The following DNAH11 variants were observed in gnomAD, a reference collection of about 807,000 sequenced individuals.
DNAH11 encodes the protein axonemal beta dynein heavy chain 11.
A neutral mutation model predicts 526.0 loss-of-function variants in DNAH11; 442 were observed. That is an observed-to-expected ratio of 0.84 (90% CI 0.78 to 0.91). DNAH11 has a LOEUF of 0.91. Ranked by LOEUF, DNAH11 falls within the 40% of genes least tolerant of loss-of-function variation. The pLI, the probability that DNAH11 is intolerant of heterozygous loss-of-function variation, is 0.00. For missense variants in DNAH11, 6,989 were observed against 5,448.7 expected (o/e 1.28, Z -8.90); for synonymous variants, 2,461 against 1,935.9 (o/e 1.27, Z -7.12).
Position 21,701,816 on chromosome 7 carries a change from C to T in DNAH11, c.6181-894C>T, listed in dbSNP as rs147177116. ...ATAAAGTAGGTGGGTGCTTTTATCT[C>T]CCTTTTTATAGATGATGATTCTGAG... On this transcript the variant is annotated intron_variant, in intron 36 of 81. Transcript: ENST00000409508. Among the ~76,000 whole-genome samples the T allele has an allele frequency of 4.5e-3, 689 of 152,244 alleles. 6 individuals are homozygous for T. The highest frequency in any genetic ancestry group is 6.1e-3 in the Non-Finnish European group (418 of 68,026).
intron 54 of DNAH11, among the ~76,000 whole-genome samples, chr7:21,752,080 G>T (rs1015383506): frequency 2.6e-5 from 4 of 152,226 alleles, no homozygotes; most frequent in Admixed American, 1.3e-4. Context: ...AACTTTGGGT[G>T]GCCCCAGAAA....
intron 64 of DNAH11, among the ~76,000 whole-genome samples, chr7:21,817,038 A>G (rs1789825041): frequency 6.6e-6 from 1 of 152,128 alleles, no homozygotes; most frequent in Admixed American, 6.6e-5. Flanking sequence ...AAGAATTGTC[A>G]AGGGTGCCTC....
intron 35 of DNAH11, among the ~76,000 whole-genome samples, chr7:21,696,571 C>T (rs1047559593): frequency 6.6e-6 from 1 of 152,088 alleles, no homozygotes; most frequent in African/African-American, 2.4e-5. Flanking sequence ...CTATTTGTGA[C>T]CCAATTTATC....
chr7:21,843,229 A>G (rs1490762025), intron 66 of DNAH11, among the ~76,000 whole-genome samples: 1 of 152,222 alleles, frequency 6.6e-6, no homozygotes, highest in Non-Finnish European at 1.5e-5. Context: ...ACAAAGCAAC[A>G]TAGCCTTAAA....
chr7:21,706,749 T>C (rs1323391089), intron 39 of DNAH11, among the ~76,000 whole-genome samples: 1 of 152,212 alleles, frequency 6.6e-6, no homozygotes, highest in African/African-American at 2.4e-5. Flanking sequence ...TGACGTTCTT[T>C]AGCATCTTAT....
intron 18 of DNAH11, among the ~76,000 whole-genome samples, chr7:21,604,007 C>G (rs1785190257): frequency 1.3e-5 from 2 of 152,164 alleles, no homozygotes; most frequent in Non-Finnish European, 2.9e-5. Context: ...AAATAAGATT[C>G]ATAGGCGGTA....
intron 26 of DNAH11, among the ~76,000 whole-genome samples, chr7:21,637,080 G>A (rs1786897209): frequency 6.6e-6 from 1 of 152,054 alleles, no homozygotes; most frequent in Non-Finnish European, 1.5e-5. Flanking sequence ...TAAATTTTAA[G>A]TCATTTAACT....
intron 25 of DNAH11, among the ~76,000 whole-genome samples, chr7:21,626,977 C>T (rs1233861690): frequency 6.6e-6 from 1 of 152,018 alleles, no homozygotes; most frequent in Non-Finnish European, 1.5e-5. Context: ...GTCTCGATCT[C>T]CTGACCTCGT....
At chr7:21,629,622 CTTATAA>C (rs931745858) in intron 25 of DNAH11, among the ~76,000 whole-genome samples, 1 of 152,032 alleles carries the variant, frequency 6.6e-6, no homozygotes, top group Non-Finnish European at 1.5e-5. Flanking sequence ...ATATTTAATA[CTTATAA>C]TTATTATTTT....
intron 65 of DNAH11, among the ~76,000 whole-genome samples, chr7:21,836,838 T>C (rs2128012364): frequency 1.3e-5 from 2 of 152,202 alleles, no homozygotes; most frequent in South Asian, 2.1e-4. Context: ...ATGTTCAAAA[T>C]ATGCCTCTGA....
rs967495813 is a variant in DNAH11 at position 21,610,122 on chromosome 7, C to A, written c.3852+3389C>A. The stretch of plus-strand genomic sequence containing the variant: ...ACAAAAAATTAGCCGGGCGTGGTGG[C>A]AGGCGCTTGTAGTCCCAGCTACTCG... On this transcript the variant is annotated intron_variant, in intron 20 of 81. Coordinates refer to ENST00000409508, the MANE Select transcript of DNAH11 (RefSeq NM_001277115.2). Among the ~76,000 whole-genome samples, 24 of 152,070 alleles carry A rather than the reference C, an allele frequency of 1.6e-4. 1 individual carries two copies. Among genetic ancestry groups the A allele is most frequent in the Non-Finnish European group, 1.5e-5 (1 of 67,990 alleles).
chr7:21,739,654 C>T lies in DNAH11; in HGVS notation c.7895C>T (p.Thr2632Ile), dbSNP rs1785785879. Residue 2632 changes from threonine (T) to isoleucine (I), a missense_variant, in exon 48 of 82, where the codon ACC becomes ATC. Physicochemically the swap from Thr to Ile is moderately conservative, Grantham distance 89. Transcript: ENST00000409508. ...ATGAATCCGATGGTGGGCAGCTTCACCATCAATCCCAGGCTACAGGTAGGG... is the reference window on the plus strand; with the variant it reads ...ATGAATCCGATGGTGGGCAGCTTCATCATCAATCCCAGGCTACAGGTAGGG... ...ACMNPMVGSF[T>I]INPRLQRHFT... The T allele has an allele frequency of 6.2e-7, 1 of 1,612,576 alleles. No homozygotes were observed. The highest frequency in any genetic ancestry group is 8.5e-7 in the Non-Finnish European group (1 of 1,179,316).
At chr7:21,570,622 A>G (rs1016025297) in intron 7 of DNAH11, 13 of 190,980 alleles carry the variant, frequency 6.8e-5, no homozygotes, top group African/African-American at 3.0e-4. Context: ...CATCCTCTGT[A>G]AATAAATCCA....
intron 56 of DNAH11, among the ~76,000 whole-genome samples, chr7:21,775,691 C>G (rs778128878): frequency 6.6e-6 from 1 of 152,058 alleles, no homozygotes; most frequent in Non-Finnish European, 1.5e-5. Flanking sequence ...TTTTGCCCCT[C>G]TCCATGTCAG....
At position 21,704,463 on chromosome 7, in the gene DNAH11, T is replaced by C. The variant is rs367634158; in HGVS notation, c.6303T>C (p.Asn2101=). The C allele has an allele frequency of 6.2e-7, 1 of 1,613,692 alleles. No homozygotes were observed. The highest frequency in any genetic ancestry group is 1.3e-5 in the African/African-American group (1 of 75,032). The change falls in exon 38 of 82, where the codon AAT becomes AAC. Residue 2101 remains asparagine (N), a synonymous_variant. Transcript: ENST00000409508. ...QVLMRALRDF[N]MPKIVTDDIP... is the part of the protein sequence containing the mutation. ...TCATGAGAGCATTAAGGGATTTCAA[T>C]ATGCCCAAAATAGTGACTGACGACA...
At chr7:21,749,430 C>T (rs984694637) in intron 52 of DNAH11, among the ~76,000 whole-genome samples, 1 of 152,146 alleles carries the variant, frequency 6.6e-6, no homozygotes, top group South Asian at 2.1e-4. Context: ...GATCTGTAGC[C>T]TGTTTTCATC....
chr7:21,884,059 T>C (rs1784032659), intron 75 of DNAH11, among the ~76,000 whole-genome samples: 1 of 151,828 alleles, frequency 6.6e-6, no homozygotes, highest in Non-Finnish European at 1.5e-5. Context: ...AAAAAAAATC[T>C]TCATAAACAG....
At chr7:21,881,722 T>C (rs1783931611) in intron 75 of DNAH11, among the ~76,000 whole-genome samples, 1 of 152,214 alleles carries the variant, frequency 6.6e-6, no homozygotes, top group Non-Finnish European at 1.5e-5. Flanking sequence ...ATGGAAACTA[T>C]TGTTTTATGT....
At position 21,578,719 on chromosome 7, in the gene DNAH11, C is replaced by A. The variant is rs118055926; in HGVS notation, c.1594-3186C>A. 2.0e-5 allele frequency among the ~76,000 whole-genome samples: 3 copies of A among 152,334 alleles called. No homozygotes were observed. The East Asian group carries it at 5.8e-4, about 29-fold the overall frequency. ...GCCTAGACATCCAGGTGTTTCCATA[C>A]ATTCTCTGAAATCTAGGTGGAGGTT... On this transcript the variant is annotated intron_variant, in intron 8 of 81. Transcript: ENST00000409508.
Sources: allele counts gnomAD v4.1 joint callset (sites outside exome capture counted in the v4.1 genomes callset), GRCh38; gene constraint gnomAD v4.1.1; transcripts MANE v1.5; gene names NCBI Gene and HGNC (gene_info 2026-07-23, HGNC 2026-07-21).